The following CFAP299 variants were observed in gnomAD, a reference collection of about 807,000 sequenced individuals.
CFAP299 encodes the protein cilia- and flagella-associated protein 299.
A neutral mutation model predicts 27.0 loss-of-function variants in CFAP299; 21 were observed. The observed-to-expected ratio is 0.78, with a 90% CI of 0.55 to 1.12. The LOEUF (loss-of-function observed/expected upper bound fraction) is 1.12. CFAP299 is among the 50% of genes most tolerant of loss of function. The probability of loss-of-function intolerance (pLI) is 0.00; values close to 1 mark genes in which losing one functional copy is unlikely to be tolerated. For synonymous variants in CFAP299, 104 were observed against 98.1 expected, an observed-to-expected ratio of 1.06 and a Z score of -0.36; for missense variants, 310 against 276.6, an observed-to-expected ratio of 1.12 and a Z score of -0.86.
rs1217410895 is a variant in CFAP299, at chr4:80,574,342, T to C, written c.243-8751T>C. ...TACTGAATTTGTTTATCAGTTCTAA[T>C]AGTTTTTCAGTGGAGTCTTTAGGTC... On this transcript the variant is annotated intron_variant, in intron 2 of 5. Transcript: ENST00000358105. Among the ~76,000 whole-genome samples, 13 of 152,314 alleles carry C rather than the reference T, an allele frequency of 8.5e-5. No homozygotes were observed. The South Asian group carries it at 1.0e-3, about 12-fold the overall frequency.
At chr4:80,568,883 C>T (rs912773493) in intron 2 of CFAP299, among the ~76,000 whole-genome samples, 4 of 152,050 alleles carry the variant, frequency 2.6e-5, no homozygotes, top group African/African-American at 9.7e-5. Context: ...AATGGCAAAT[C>T]AAAAGATAAG....
intron 3 of CFAP299, among the ~76,000 whole-genome samples, chr4:80,747,129 A>G (rs2110068240): frequency 6.6e-6 from 1 of 152,156 alleles, no homozygotes; most frequent in South Asian, 2.1e-4. Context: ...GATTTATGAG[A>G]CATTTTTAAA....
intron 3 of CFAP299, among the ~76,000 whole-genome samples, chr4:80,820,473 T>C (rs931976312): frequency 6.7e-6 from 1 of 149,754 alleles, no homozygotes; most frequent in Admixed American, 6.7e-5. Context: ...AGCTGGCAAG[T>C]GGGGAGAATG....
At chr4:80,586,066 G>A (rs1278763521) in intron 3 of CFAP299, among the ~76,000 whole-genome samples, 2 of 152,090 alleles carry the variant, frequency 1.3e-5, no homozygotes, top group Admixed American at 1.3e-4. Flanking sequence ...ACAGTAACTA[G>A]ACTGAAGTTC....
intron 2 of CFAP299, among the ~76,000 whole-genome samples, chr4:80,572,251 G>T (rs1308600588): frequency 6.6e-6 from 1 of 151,874 alleles, no homozygotes; most frequent in East Asian, 1.9e-4. Flanking sequence ...ACCCTGTTGT[G>T]CTATCAAATA....
At chr4:80,444,859 G>A (rs1728538920) in intron 2 of CFAP299, among the ~76,000 whole-genome samples, 3 of 152,128 alleles carry the variant, frequency 2.0e-5, no homozygotes, top group Non-Finnish European at 2.9e-5. Flanking sequence ...CAACAAGTGG[G>A]TGAAGGATAT....
chr4:80,759,099 G>C (rs950898470), intron 3 of CFAP299, among the ~76,000 whole-genome samples: 1 of 152,116 alleles, frequency 6.6e-6, no homozygotes, highest in Admixed American at 6.5e-5. Context: ...AACTTGATTT[G>C]TGTAATATTC....
At chr4:80,617,057 T>G (rs1738328650) in intron 3 of CFAP299, among the ~76,000 whole-genome samples, 2 of 152,030 alleles carry the variant, frequency 1.3e-5, no homozygotes, top group South Asian at 4.1e-4. Flanking sequence ...GGAAATAGGA[T>G]TTTAAAGATA....
At chr4:80,540,929 G>T (rs1304492808) in intron 2 of CFAP299, among the ~76,000 whole-genome samples, 1 of 151,964 alleles carries the variant, frequency 6.6e-6, no homozygotes, top group Non-Finnish European at 1.5e-5. Context: ...CCTTTGATGG[G>T]GATTTTTTAT....
intron 2 of CFAP299, among the ~76,000 whole-genome samples, chr4:80,512,074 G>A (rs142377360): frequency 1.3e-5 from 2 of 152,156 alleles, no homozygotes; most frequent in African/African-American, 2.4e-5. Context: ...AAATTAAGTC[G>A]TTCAACTCTT....
intron 2 of CFAP299, among the ~76,000 whole-genome samples, chr4:80,540,757 A>G (rs1414955318): frequency 6.6e-6 from 1 of 152,232 alleles, no homozygotes; most frequent in Non-Finnish European, 1.5e-5. Context: ...CATGATCTAA[A>G]GTAAATATTG....
At chr4:80,961,352 A>T (rs1738335835) in intron 5 of CFAP299, among the ~76,000 whole-genome samples, 2 of 151,810 alleles carry the variant, frequency 1.3e-5, no homozygotes, top group Admixed American at 1.3e-4. Flanking sequence ...TTTACCAAAG[A>T]TTTACTGTGA....
At chr4:80,926,318 G>C (rs574849812) in intron 4 of CFAP299, among the ~76,000 whole-genome samples, 134 of 152,062 alleles carry the variant, frequency 8.8e-4, no homozygotes, top group Non-Finnish European at 1.1e-3. Flanking sequence ...TCGATGTTAG[G>C]AAAGTACTGT....
At chr4:80,337,390 C>T (rs1722203515) in intron 1 of CFAP299, among the ~76,000 whole-genome samples, 1 of 151,334 alleles carries the variant, frequency 6.6e-6, no homozygotes. Flanking sequence ...TGTGTTTCAT[C>T]AATCAGAATT....
At chr4:80,499,168 C>A (rs1731611261) in intron 2 of CFAP299, among the ~76,000 whole-genome samples, 1 of 152,092 alleles carries the variant, frequency 6.6e-6, no homozygotes, top group Non-Finnish European at 1.5e-5. Context: ...GTGAAATAAT[C>A]TGAATATCAA....
intron 2 of CFAP299, among the ~76,000 whole-genome samples, chr4:80,379,045 T>A (rs745786348): frequency 5.9e-5 from 9 of 152,068 alleles, no homozygotes; most frequent in Non-Finnish European, 1.3e-4. Context: ...ATTGGTAGAG[T>A]TCACCAGTGA....
chr4:80,722,503 T>G (rs1040896968), intron 3 of CFAP299, among the ~76,000 whole-genome samples: 6 of 151,736 alleles, frequency 4.0e-5, no homozygotes, highest in African/African-American at 1.4e-4. Flanking sequence ...CAAAAGACAC[T>G]CTTAGTAGAA....
intron 3 of CFAP299, among the ~76,000 whole-genome samples, chr4:80,656,794 T>C (rs79735558): frequency 0.017 from 2,516 of 152,310 alleles, 51 homozygotes; most frequent in Admixed American, 0.058. Flanking sequence ...CCTTGAGGAA[T>C]CACCACACTG....
chr4:80,413,933 T>C (rs1726862275), intron 2 of CFAP299, among the ~76,000 whole-genome samples: 1 of 152,074 alleles, frequency 6.6e-6, no homozygotes, highest in Admixed American at 6.5e-5. Context: ...TTTCAGTCAC[T>C]TCTGGTTAAG....
Sources: allele counts gnomAD v4.1 joint callset (sites outside exome capture counted in the v4.1 genomes callset), GRCh38; gene constraint gnomAD v4.1.1; transcripts MANE v1.5; gene names NCBI Gene and HGNC (gene_info 2026-07-23, HGNC 2026-07-21).